The following HYLS1 variants were observed in gnomAD, a reference collection of about 807,000 sequenced individuals.
HYLS1 encodes centriolar and ciliogenesis-associated protein HYLS1.
In HYLS1, 25 loss-of-function variants were observed where a neutral mutation model predicts 29.4. That is an observed-to-expected ratio of 0.85 (90% CI 0.62 to 1.19). HYLS1 has a LOEUF of 1.19. HYLS1 is among the 50% of genes most tolerant of loss of function. HYLS1 has a pLI of 0.00. For missense variants in HYLS1, 352 were observed against 365.1 expected (o/e 0.96, Z 0.29); for synonymous variants, 128 against 126.7 (o/e 1.01, Z -0.07).
chr11:125,893,289 A>AT (rs201355869), intron 2 of HYLS1, among the ~76,000 whole-genome samples: 3,251 of 152,320 alleles, frequency 0.021, 110 homozygotes, highest in African/African-American at 0.071. Flanking sequence ...TTTGTAAGAT[A>AT]AGGTACTGTG....
At chr11:125,897,582 C>CA (rs1565455245) in intron 2 of HYLS1, among the ~76,000 whole-genome samples, 2 of 146,878 alleles carry the variant, frequency 1.4e-5, no homozygotes, top group African/African-American at 5.0e-5. Flanking sequence ...GCATTTCAAA[C>CA]AAAAAGAAAA....
chr11:125,895,758 G>A, intron 2 of HYLS1: 1 of 1,606,648 alleles, frequency 6.2e-7, no homozygotes, highest in Non-Finnish European at 8.5e-7. Flanking sequence ...CCTGCCCCTT[G>A]GAAACTGAGA....
In HYLS1 at chr11:125,894,061, A is replaced by G. The variant is rs775075687; in HGVS notation, c.-26+2589A>G. On this transcript the variant is annotated intron_variant, in intron 2 of 2. Transcript: ENST00000425380. ...TCTGCTTTATGACAGAGGGCTTAAC[A>G]TTTCCCCATTCTGTCATTCCATCCA... 5.6e-6 allele frequency: 9 copies of G among 1,614,120 alleles called. No individual in the cohort carries two copies. In the South Asian group the frequency reaches 7.7e-5, roughly 14 times the overall value.
intron 2 of HYLS1, among the ~76,000 whole-genome samples, chr11:125,895,051 C>CT (rs11384524): frequency 0.086 from 12,182 of 141,982 alleles, 882 homozygotes; most frequent in African/African-American, 0.2. Flanking sequence ...TATGCTATTT[C>CT]TTTTTTTTTT....
Position 125,899,785 on chromosome 11 carries a change from G to C in HYLS1, c.417G>C (p.Gln139His). 1 of 1,614,190 alleles carries C rather than the reference G, an allele frequency of 6.2e-7. No individual in the cohort carries two copies. The highest frequency in any genetic ancestry group is 8.5e-7 in the Non-Finnish European group (1 of 1,180,012). The change falls in exon 3 of 3, where the codon CAG (glutamine) becomes CAC (histidine). Residue 139 changes from glutamine (Q) to histidine (H), a missense_variant. Physicochemically the swap from Gln to His is conservative, Grantham distance 24. Transcript: ENST00000425380. ...WDLRQRLMNV[Q>H]FQEDKESSFD... Reference sequence around the variant, plus strand: ...TAAGACAAAGGCTGATGAATGTACAGTTCCAGGAAGACAAGGAATCTTCAT... The same window carrying C: ...TAAGACAAAGGCTGATGAATGTACACTTCCAGGAAGACAAGGAATCTTCAT...
Position 125,900,609 on chromosome 11 carries a change from G to T in HYLS1, c.*341G>T. ...TCAGTGTGTGTTTTTTAAGTTGCTG[G>T]GCATTACACTTACCAATTAAAGAAT... On this transcript the variant is annotated 3_prime_UTR_variant, in exon 3 of 3. Coordinates refer to ENST00000425380, the MANE Select transcript of HYLS1 (RefSeq NM_001134793.2). The T allele has an allele frequency of 6.7e-6, 2 of 300,210 alleles. No individual in the cohort carries two copies. Among genetic ancestry groups the T allele is most frequent in the Non-Finnish European group, 1.3e-5 (2 of 149,774 alleles). The allele number at this position is 300,210 out of a possible 1,614,324, so 18.6% of individuals were successfully genotyped here. A position where few individuals can be genotyped will look rare whatever the true frequency, so the allele number is the denominator to read the frequency against.
chr11:125,886,500 T>A (rs1286943382), upstream of HYLS1, among the ~76,000 whole-genome samples: 3 of 151,500 alleles, frequency 2.0e-5, no homozygotes, highest in Admixed American at 2.0e-4. Flanking sequence ...TGGTATTGAC[T>A]AGGATATTGA....
At chr11:125,895,435 G>T (rs757155405) in intron 2 of HYLS1, 1 of 1,614,024 alleles carries the variant, frequency 6.2e-7, no homozygotes, top group Non-Finnish European at 8.5e-7. Context: ...AGCTGTACTT[G>T]AGCAGATAGA....
Position 125,900,287 on chromosome 11 carries a change from C to A in HYLS1, c.*19C>A. On this transcript the variant is annotated 3_prime_UTR_variant, in exon 3 of 3. Transcript: ENST00000425380. ...TTCTTAAATCTTTTTAAACTTCTTT[C>A]ACAGGATTGTTTGAGATAACCTAGC... 1 of 1,611,682 alleles carries A rather than the reference C, an allele frequency of 6.2e-7. No homozygotes were observed. Among genetic ancestry groups the A allele is most frequent in the Non-Finnish European group, 8.5e-7 (1 of 1,177,966 alleles).
rs74423263 is a variant in HYLS1, at chr11:125,899,660, G to T, written c.292G>T (p.Val98Leu). 9.2e-5 allele frequency: 149 copies of T among 1,614,092 alleles called. No homozygotes were observed. Among genetic ancestry groups the T allele is most frequent in the Non-Finnish European group, 1.2e-4 (144 of 1,180,042 alleles). The change falls in exon 3 of 3, where the codon GTG becomes TTG. Residue 98 changes from valine to leucine, a missense_variant. Transcript: ENST00000425380. ...RLRKPVMKRK[V>L]LRRKPDGEVL... is the part of the protein sequence containing the mutation. ...CCGAAAGCCAGTGATGAAGAGAAAG[G>T]TGCTGCGCAGAAAGCCAGATGGGGA... is the stretch of plus-strand genomic sequence containing the variant.
At chr11:125,887,264 G>C (rs1944320757), upstream of HYLS1, 3 of 152,570 alleles carry the variant, frequency 2.0e-5, no homozygotes, top group Non-Finnish European at 1.5e-5. Flanking sequence ...CAGTTGAGAA[G>C]GGCGGAGGCT....
At position 125,899,361 on chromosome 11, in the gene HYLS1, G is replaced by T; in HGVS notation, c.-8G>T. 6.2e-7 allele frequency: 1 copy of T among 1,613,788 alleles called. No individual in the cohort carries two copies. The highest frequency in any genetic ancestry group is 1.1e-5 in the South Asian group (1 of 91,054). On this transcript the variant is annotated 5_prime_UTR_variant, in exon 3 of 3. Transcript: ENST00000425380. ...TCTTGCAGAAGGTCCTACAGTGTAGGGGAAGCAATGGAAGAACTTCTACCT... is the reference window on the plus strand; with the variant it reads ...TCTTGCAGAAGGTCCTACAGTGTAGTGGAAGCAATGGAAGAACTTCTACCT...
intron 2 of HYLS1, among the ~76,000 whole-genome samples, chr11:125,896,948 T>A (rs1382670369): frequency 3.9e-5 from 6 of 152,200 alleles, no homozygotes; most frequent in African/African-American, 1.4e-4. Flanking sequence ...AAAAGATAAT[T>A]AAGCACTCTG....
upstream of HYLS1, chr11:125,886,939 A>AAT (rs56367330): frequency 1.3e-5 from 2 of 152,348 alleles, no homozygotes; most frequent in African/African-American, 2.4e-5. Context: ...AAAAAAAAAA[A>AAT]GTTGAGAGTA....
Position 125,895,578 on chromosome 11 carries a change from T to C in HYLS1, c.-25-3766T>C, listed in dbSNP as rs1388530703. 16 of 1,614,168 alleles carry C rather than the reference T, an allele frequency of 9.9e-6. No individual in the cohort carries two copies. Among genetic ancestry groups the C allele is most frequent in the Non-Finnish European group, 1.3e-5 (15 of 1,180,016 alleles). On this transcript the variant is annotated intron_variant, in intron 2 of 2. Transcript: ENST00000425380. ...ATCTAAATCAGCACGAGGGAAAAAA[T>C]AGCGGTAAGTCCGCTCAAGGCAGCT...
At chr11:125,896,478 C>T (rs1226502862) in intron 2 of HYLS1, 1 of 595,224 alleles carries the variant, frequency 1.7e-6, no homozygotes, top group African/African-American at 1.8e-5. Flanking sequence ...GGTTGATCAT[C>T]CACAGATAGC....
At chr11:125,884,565 C>T (rs1040274610), upstream of HYLS1, among the ~76,000 whole-genome samples, 8 of 152,198 alleles carry the variant, frequency 5.3e-5, no homozygotes, top group Non-Finnish European at 8.8e-5. Context: ...GCTGAGATAG[C>T]GCCACTGCAG....
intron 2 of HYLS1, among the ~76,000 whole-genome samples, chr11:125,891,920 G>C (rs1422943796): frequency 6.6e-6 from 1 of 152,148 alleles, no homozygotes; most frequent in Middle Eastern, 3.2e-3. Context: ...CAATTATGCA[G>C]CATTAGTTTA....
chr11:125,891,240 C>CTAG (rs1944402238), intron 1 of HYLS1, among the ~76,000 whole-genome samples, 183 bp from the exon 2 acceptor site: 1 of 152,160 alleles, frequency 6.6e-6, no homozygotes, highest in South Asian at 2.1e-4. Context: ...AATTCTTACT[C>CTAG]TTCTAGATTG....
Sources: allele counts gnomAD v4.1 joint callset (sites outside exome capture counted in the v4.1 genomes callset), GRCh38; gene constraint gnomAD v4.1.1; transcripts MANE v1.5; gene names NCBI Gene and HGNC (gene_info 2026-07-23, HGNC 2026-07-21).